SDHAF1: variants seen among roughly 807,000 people sequenced by gnomAD.
The protein encoded by SDHAF1 is succinate dehydrogenase complex assembly factor 1.
For missense variants in SDHAF1, 198 were observed against 179.0 expected, an observed-to-expected ratio of 1.11 and a Z score of -0.61; for synonymous variants, 81 against 85.8, an observed-to-expected ratio of 0.94 and a Z score of 0.31.
Position 35,995,744 on chromosome 19 carries a change from G to A in SDHAF1, c.*122G>A. The A allele has an allele frequency of 2.6e-6, 2 of 763,008 alleles. No homozygotes were observed. Among genetic ancestry groups the A allele is most frequent in the East Asian group, 3.0e-5 (1 of 33,846 alleles). 47.3% of individuals were successfully genotyped at this position (763,008 alleles called of 1,614,324 possible). Reference sequence around the variant, plus strand: ...TTAAGAGACTAGCTTGACGAATTGGGGATGTCAGAGACTCCTCCTTGGCGA... The same window carrying A: ...TTAAGAGACTAGCTTGACGAATTGGAGATGTCAGAGACTCCTCCTTGGCGA... On this transcript the variant is annotated 3_prime_UTR_variant, in exon 1 of 1. Coordinates refer to ENST00000378887, the MANE Select transcript of SDHAF1 (RefSeq NM_001042631.3).
chr19:35,995,746 A>C lies in SDHAF1; in HGVS notation c.*124A>C. On this transcript the variant is annotated 3_prime_UTR_variant, in exon 1 of 1. Coordinates refer to ENST00000378887, the MANE Select transcript of SDHAF1 (RefSeq NM_001042631.3). Reference sequence around the variant, plus strand: ...AAGAGACTAGCTTGACGAATTGGGGATGTCAGAGACTCCTCCTTGGCGACG... The same window carrying C: ...AAGAGACTAGCTTGACGAATTGGGGCTGTCAGAGACTCCTCCTTGGCGACG... 1.3e-6 allele frequency: 1 copy of C among 760,898 alleles called. No individual in the cohort carries two copies. The highest frequency in any genetic ancestry group is 2.2e-6 in the Non-Finnish European group (1 of 457,766). The allele number at this position is 760,898 out of a possible 1,614,324, so 47.1% of individuals were successfully genotyped here.
Position 35,995,274 on chromosome 19 carries a change from C to A in SDHAF1, c.-1C>A. 3 of 1,534,406 alleles carry A rather than the reference C, an allele frequency of 2.0e-6. No homozygotes were observed. In the South Asian group the frequency reaches 3.6e-5, roughly 18 times the overall value. On this transcript the variant is annotated 5_prime_UTR_variant, in exon 1 of 1. Coordinates refer to ENST00000378887, the MANE Select transcript of SDHAF1 (RefSeq NM_001042631.3). The stretch of plus-strand genomic sequence containing the variant: ...CTGAGCGTCTCTGCTTAGCCGCGGT[C>A]ATGAGCCGGCACAGCCGGCTGCAGA...
chr19:35,995,352 G>C lies in SDHAF1; in HGVS notation c.78G>C (p.Pro26=), dbSNP rs1478699747. 1.9e-6 allele frequency: 3 copies of C among 1,550,146 alleles called. No homozygotes were observed. In the South Asian group the frequency reaches 3.5e-5, roughly 18 times the overall value. Residue 26 remains proline (P), a synonymous_variant, in exon 1 of 1, where the codon CCG becomes CCC. Transcript: ENST00000378887. ...TGCTGCGCGCCGGGCGTGGGAAGCCGGGCGCCGAGGCGCGAGTGCGGGCAG... is the reference window on the plus strand; with the variant it reads ...TGCTGCGCGCCGGGCGTGGGAAGCCCGGCGCCGAGGCGCGAGTGCGGGCAG... ...RDLLRAGRGK[P]GAEARVRAEF...
chr19:35,995,473 G>T lies in SDHAF1; in HGVS notation c.199G>T (p.Gly67Cys). 1 of 1,558,036 alleles carries T rather than the reference G, an allele frequency of 6.4e-7. No individual in the cohort carries two copies. Among genetic ancestry groups the T allele is most frequent in the East Asian group, 2.4e-5 (1 of 42,264 alleles). Residue 67 changes from glycine to cysteine, a missense_variant, in exon 1 of 1, where the codon GGC (glycine) becomes TGC (cysteine). Gly to Cys is a radical substitution (Grantham distance 159). Transcript: ENST00000378887. ...GRRQLQLLRSGHATAMGAFVR... is the reference protein window; with the variant it reads ...GRRQLQLLRSCHATAMGAFVR... Reference sequence around the variant, plus strand: ...GCGCCAGCTGCAGCTGCTACGCTCGGGCCACGCCACCGCCATGGGCGCCTT... The same window carrying T: ...GCGCCAGCTGCAGCTGCTACGCTCGTGCCACGCCACCGCCATGGGCGCCTT...
In SDHAF1 at chr19:35,995,760, T is replaced by C. The variant is rs1976661147; in HGVS notation, c.*138T>C. On this transcript the variant is annotated 3_prime_UTR_variant, in exon 1 of 1. Coordinates refer to ENST00000378887, the MANE Select transcript of SDHAF1 (RefSeq NM_001042631.3). ...ACGAATTGGGGATGTCAGAGACTCC[T>C]CCTTGGCGACGCAGGGGGCCTAGAG... 5 of 698,230 alleles carry C rather than the reference T, an allele frequency of 7.2e-6. No individual in the cohort carries two copies. The Admixed American group carries it at 1.1e-4, about 15-fold the overall frequency. 43.3% of individuals were successfully genotyped at this position (698,230 alleles called of 1,614,324 possible). A position where few individuals can be genotyped will look rare whatever the true frequency, so the allele number is the denominator to read the frequency against.
At position 35,995,618 on chromosome 19, in the gene SDHAF1, G is replaced by T. The variant is rs1270292285; in HGVS notation, c.344G>T (p.Arg115Leu). Residue 115 changes from arginine (R) to leucine (L), a missense_variant, in exon 1 of 1, where the codon CGG becomes CTG. Coordinates refer to ENST00000378887, the MANE Select transcript of SDHAF1 (RefSeq NM_001042631.3). ...GCACCGGAGACCCGCCCCGACGGACGGTGACAGGCGAAGAGCCGAACTCGC... is the reference window on the plus strand; with the variant it reads ...GCACCGGAGACCCGCCCCGACGGACTGTGACAGGCGAAGAGCCGAACTCGC... Reference protein sequence around the residue: ...TGAPETRPDGR With the variant: ...TGAPETRPDGL 3.9e-6 allele frequency: 6 copies of T among 1,547,996 alleles called. No individual in the cohort carries two copies. The highest frequency in any genetic ancestry group is 1.2e-5 in the South Asian group (1 of 84,038).
At position 35,995,446 on chromosome 19, in the gene SDHAF1, C is replaced by T. The variant is rs1421999723; in HGVS notation, c.172C>T (p.Arg58Trp). ...CATCGAGTACCTGTACCGCCGCGGG[C>T]GGCGCCAGCTGCAGCTGCTACGCTC... Reference protein sequence around the residue: ...LRIEYLYRRGRRQLQLLRSGH... With the variant: ...LRIEYLYRRGWRQLQLLRSGH... Residue 58 changes from arginine to tryptophan, a missense_variant, in exon 1 of 1, where the codon CGG (arginine) becomes TGG (tryptophan). Physicochemically the swap from Arg to Trp is moderately radical, Grantham distance 101. Coordinates refer to ENST00000378887, the MANE Select transcript of SDHAF1 (RefSeq NM_001042631.3). 1.9e-6 allele frequency: 3 copies of T among 1,566,342 alleles called. No individual in the cohort carries two copies. The highest frequency in any genetic ancestry group is 2.3e-5 in the South Asian group (2 of 87,892).
Position 35,995,646 on chromosome 19 carries a change from G to T in SDHAF1, c.*24G>T. On this transcript the variant is annotated 3_prime_UTR_variant, in exon 1 of 1. Transcript: ENST00000378887. The stretch of plus-strand genomic sequence containing the variant: ...GACAGGCGAAGAGCCGAACTCGCTC[G>T]ATGGCGTGGTGGAGCCAGGAGGCTC... 3.9e-6 allele frequency: 6 copies of T among 1,525,806 alleles called. No individual in the cohort carries two copies. The highest frequency in any genetic ancestry group is 5.3e-6 in the Non-Finnish European group (6 of 1,125,058). The allele number at this position is 1,525,806 out of a possible 1,614,324, so 94.5% of individuals were successfully genotyped here. A position where few individuals can be genotyped will look rare whatever the true frequency, so the allele number is the denominator to read the frequency against.
At position 35,995,524 on chromosome 19, in the gene SDHAF1, G is replaced by C. The variant is rs866034236; in HGVS notation, c.250G>C (p.Glu84Gln). ...AFVRPRAPTG[E>Q]PGGVGCQPDD... ...CGTACGCCCGCGGGCCCCGACCGGG[G>C]AGCCTGGCGGCGTGGGTTGCCAGCC... Residue 84 changes from glutamate to glutamine, a missense_variant, in exon 1 of 1, where the codon GAG (glutamate) becomes CAG (glutamine). Coordinates refer to ENST00000378887, the MANE Select transcript of SDHAF1 (RefSeq NM_001042631.3). 6.5e-7 allele frequency: 1 copy of C among 1,533,440 alleles called. No individual in the cohort carries two copies. The allele number at this position is 1,533,440 out of a possible 1,614,324, so 95.0% of individuals were successfully genotyped here.
In SDHAF1 at chr19:35,996,254, C is replaced by T. The variant is rs1976667165; in HGVS notation, c.*632C>T. On this transcript the variant is annotated 3_prime_UTR_variant, in exon 1 of 1. Coordinates refer to ENST00000378887, the MANE Select transcript of SDHAF1 (RefSeq NM_001042631.3). ...ATGGTTTTGAGGGGCAACATTGACT[C>T]ATTTGCCCCTTCCCTCTCGGAATGT... 6.0e-6 allele frequency: 1 copy of T among 167,062 alleles called. No individual in the cohort carries two copies. Among genetic ancestry groups the T allele is most frequent in the South Asian group, 2.1e-4 (1 of 4,872 alleles). The allele number at this position is 167,062 out of a possible 1,614,324, so 10.3% of individuals were successfully genotyped here.
In SDHAF1 at chr19:35,995,725, G is replaced by A. The variant is rs772118682; in HGVS notation, c.*103G>A. 1.2e-6 allele frequency: 1 copy of A among 866,998 alleles called. No homozygotes were observed. The highest frequency in any genetic ancestry group is 2.3e-5 in the Admixed American group (1 of 43,568). The allele number at this position is 866,998 out of a possible 1,614,324, so 53.7% of individuals were successfully genotyped here. ...CCGCCTAAGGTGAGAGGTCTTAAGAGACTAGCTTGACGAATTGGGGATGTC... is the reference window on the plus strand; with the variant it reads ...CCGCCTAAGGTGAGAGGTCTTAAGAAACTAGCTTGACGAATTGGGGATGTC... On this transcript the variant is annotated 3_prime_UTR_variant, in exon 1 of 1. Coordinates refer to ENST00000378887, the MANE Select transcript of SDHAF1 (RefSeq NM_001042631.3).
Position 35,995,975 on chromosome 19 carries a change from CCTTCTCTT to C in SDHAF1, c.*354_*361del. Reference sequence around the variant, plus strand: ...GGTGGACAGGGAGAGCCTGAGACGCCCTTCTCTTGACCCCTGAGAACATACCCACTTCT... The same window carrying C: ...GGTGGACAGGGAGAGCCTGAGACGCCGACCCCTGAGAACATACCCACTTCT... On this transcript the variant is annotated 3_prime_UTR_variant, in exon 1 of 1. Transcript: ENST00000378887. The C allele has an allele frequency of 2.9e-6, 1 of 346,288 alleles. No individual in the cohort carries two copies. Among genetic ancestry groups the C allele is most frequent in the Non-Finnish European group, 5.6e-6 (1 of 178,726 alleles). 21.5% of individuals were successfully genotyped at this position (346,288 alleles called of 1,614,324 possible). A position where few individuals can be genotyped will look rare whatever the true frequency, so the allele number is the denominator to read the frequency against.
Position 35,995,693 on chromosome 19 carries a change from G to T in SDHAF1, c.*71G>T, listed in dbSNP as rs1156694751. 1 of 1,218,744 alleles carries T rather than the reference G, an allele frequency of 8.2e-7. No homozygotes were observed. Among genetic ancestry groups the T allele is most frequent in the Admixed American group, 2.0e-5 (1 of 50,114 alleles). The allele number at this position is 1,218,744 out of a possible 1,614,324, so 75.5% of individuals were successfully genotyped here. ...GCTCGCCTGACTGCATGGGGGGACT[G>T]GGGAACCCGCCTAAGGTGAGAGGTC... On this transcript the variant is annotated 3_prime_UTR_variant, in exon 1 of 1. Coordinates refer to ENST00000378887, the MANE Select transcript of SDHAF1 (RefSeq NM_001042631.3).
At position 35,995,580 on chromosome 19, in the gene SDHAF1, C is replaced by T; in HGVS notation, c.306C>T (p.His102=). 1.3e-6 allele frequency: 2 copies of T among 1,545,244 alleles called. No individual in the cohort carries two copies. Among genetic ancestry groups the T allele is most frequent in the Non-Finnish European group, 1.7e-6 (2 of 1,147,200 alleles). The change falls in exon 1 of 1, where the codon CAC becomes CAT. Residue 102 remains histidine, a synonymous_variant. Transcript: ENST00000378887. ...PDDGDSPRNP[H]DSTGAPETRP... is the part of the protein sequence containing the mutation. ...ACGGCGACAGTCCAAGGAACCCCCA[C>T]GACAGCACGGGGGCACCGGAGACCC...
chr19:35,995,791 C>G lies in SDHAF1; in HGVS notation c.*169C>G, dbSNP rs906617941. 1.6e-5 allele frequency: 10 copies of G among 607,520 alleles called. No homozygotes were observed. The Admixed American group carries it at 1.9e-4, about 12-fold the overall frequency. The allele number at this position is 607,520 out of a possible 1,614,324, so 37.6% of individuals were successfully genotyped here. A position where few individuals can be genotyped will look rare whatever the true frequency, so the allele number is the denominator to read the frequency against. On this transcript the variant is annotated 3_prime_UTR_variant, in exon 1 of 1. Coordinates refer to ENST00000378887, the MANE Select transcript of SDHAF1 (RefSeq NM_001042631.3). The stretch of plus-strand genomic sequence containing the variant: ...GCGACGCAGGGGGCCTAGAGAGCCC[C>G]GTGATGGACGGCAAGGGAGGCCCGC...
chr19:35,995,266 G>T lies in SDHAF1; in HGVS notation c.-9G>T. 1 of 1,529,498 alleles carries T rather than the reference G, an allele frequency of 6.5e-7. No homozygotes were observed. 94.7% of individuals were successfully genotyped at this position (1,529,498 alleles called of 1,614,324 possible). On this transcript the variant is annotated 5_prime_UTR_variant, in exon 1 of 1. Coordinates refer to ENST00000378887, the MANE Select transcript of SDHAF1 (RefSeq NM_001042631.3). Reference sequence around the variant, plus strand: ...GTCGTTCGCTGAGCGTCTCTGCTTAGCCGCGGTCATGAGCCGGCACAGCCG... The same window carrying T: ...GTCGTTCGCTGAGCGTCTCTGCTTATCCGCGGTCATGAGCCGGCACAGCCG...
rs1365482677 is a variant in SDHAF1 at position 35,995,528 on chromosome 19, C to T, written c.254C>T (p.Pro85Leu). Residue 85 changes from proline to leucine, a missense_variant, in exon 1 of 1, where the codon CCT becomes CTT. By Grantham distance (98) the Pro-to-Leu change is moderately conservative. Transcript: ENST00000378887. ...CGCCCGCGGGCCCCGACCGGGGAGCCTGGCGGCGTGGGTTGCCAGCCTGAC... is the reference window on the plus strand; with the variant it reads ...CGCCCGCGGGCCCCGACCGGGGAGCTTGGCGGCGTGGGTTGCCAGCCTGAC... The part of the protein sequence containing the change: ...FVRPRAPTGE[P>L]GGVGCQPDDG... 1.3e-6 allele frequency: 2 copies of T among 1,534,106 alleles called. No individual in the cohort carries two copies. The highest frequency in any genetic ancestry group is 4.9e-5 in the East Asian group (2 of 40,644).
chr19:35,995,839 G>A lies in SDHAF1; in HGVS notation c.*217G>A, dbSNP rs1313081090. 6.9e-6 allele frequency: 4 copies of A among 577,896 alleles called. No homozygotes were observed. The East Asian group carries it at 9.6e-5, about 14-fold the overall frequency. 35.8% of individuals were successfully genotyped at this position (577,896 alleles called of 1,614,324 possible). On this transcript the variant is annotated 3_prime_UTR_variant, in exon 1 of 1. Transcript: ENST00000378887. ...CGCCTTTTCCGATGCTTGGAGACAGGTCGGTGCTCCTCCCCCATGAGGGCT... is the reference window on the plus strand; with the variant it reads ...CGCCTTTTCCGATGCTTGGAGACAGATCGGTGCTCCTCCCCCATGAGGGCT...
chr19:35,995,394 G>C lies in SDHAF1; in HGVS notation c.120G>C (p.Ala40=), dbSNP rs1215760688. 2.6e-6 allele frequency: 4 copies of C among 1,561,544 alleles called. No homozygotes were observed. Among genetic ancestry groups the C allele is most frequent in the Non-Finnish European group, 3.4e-6 (4 of 1,161,690 alleles). ...TGCGGGCAGAGTTCCGGCAGCATGCGGGCCTGCCGCGGTCCGACGTGCTGC... is the reference window on the plus strand; with the variant it reads ...TGCGGGCAGAGTTCCGGCAGCATGCCGGCCTGCCGCGGTCCGACGTGCTGC... ...ARVRAEFRQH[A]GLPRSDVLRI... is the part of the protein sequence containing the mutation. Residue 40 remains alanine (A), a synonymous_variant, in exon 1 of 1, where the codon GCG becomes GCC. Coordinates refer to ENST00000378887, the MANE Select transcript of SDHAF1 (RefSeq NM_001042631.3).
Sources: allele counts gnomAD v4.1 joint callset, GRCh38; gene constraint gnomAD v4.1.1; transcripts MANE v1.5; gene names NCBI Gene and HGNC (gene_info 2026-07-23, HGNC 2026-07-21).